COPG2: variants seen among roughly 807,000 people sequenced by gnomAD.
COPG2 encodes coat protein complex I subunit gamma 2.
COPG2 carries 37 observed loss-of-function variants against 46.3 expected under a neutral mutation model. The observed-to-expected ratio is 0.80, with a 90% CI of 0.61 to 1.05. The LOEUF (loss-of-function observed/expected upper bound fraction) is 1.05, where lower values mean the gene tolerates loss of function less well. Among genes scored for constraint, COPG2 ranks in the 50% least tolerant of loss-of-function variants. The pLI, the probability that COPG2 is intolerant of heterozygous loss-of-function variation, is 0.00. For synonymous variants in COPG2, 159 were observed against 129.7 expected (o/e 1.23, Z -1.53); for missense variants, 427 against 387.8 (o/e 1.10, Z -0.85).
chr7:130,538,540 T>G (rs1422619381), intron 20 of COPG2, among the ~76,000 whole-genome samples: 4 of 152,168 alleles, frequency 2.6e-5, no homozygotes, highest in African/African-American at 9.6e-5. Context: ...ATCCCAGGCT[T>G]TTCAGAAGTG....
chr7:130,527,567 A>G (rs1799786031), intron 20 of COPG2, among the ~76,000 whole-genome samples: 1 of 152,024 alleles, frequency 6.6e-6, no homozygotes. Context: ...GTAAGGGGAA[A>G]AAAAAGCAAT....
At chr7:130,519,269 T>C in intron 20 of COPG2, among the ~76,000 whole-genome samples, 1 of 152,046 alleles carries the variant, frequency 6.6e-6, no homozygotes, top group East Asian at 1.9e-4. Flanking sequence ...AAATAAGAAC[T>C]GGAGTATTTG....
At chr7:130,562,583 A>G (rs1468187694) in intron 11 of COPG2, among the ~76,000 whole-genome samples, 1 of 152,144 alleles carries the variant, frequency 6.6e-6, no homozygotes, top group African/African-American at 2.4e-5. Flanking sequence ...TATACTGTCT[A>G]ATAACATAGC....
chr7:130,620,798 A>C (rs1554453527), intron 5 of COPG2, among the ~76,000 whole-genome samples: 3 of 152,198 alleles, frequency 2.0e-5, no homozygotes, highest in Non-Finnish European at 1.5e-5. Context: ...CAATGGGTTT[A>C]GATTTTGGAA....
At chr7:130,547,998 G>A (rs1793472831) in intron 19 of COPG2, among the ~76,000 whole-genome samples, 153 bp from the exon 20 acceptor site, 1 of 152,190 alleles carries the variant, frequency 6.6e-6, no homozygotes, top group Non-Finnish European at 1.5e-5. Flanking sequence ...AACAGGGAGA[G>A]CCTTATTCTT....
chr7:130,600,802 TA>T (rs1554450249), intron 9 of COPG2, among the ~76,000 whole-genome samples: 1 of 152,238 alleles, frequency 6.6e-6, no homozygotes, highest in East Asian at 1.9e-4. Flanking sequence ...TTCATTATGA[TA>T]AATGTTATAT....
chr7:130,559,083 G>A (rs1292421359), intron 12 of COPG2, among the ~76,000 whole-genome samples: 1 of 152,108 alleles, frequency 6.6e-6, no homozygotes, highest in Non-Finnish European at 1.5e-5. Context: ...ACTTTTGCAT[G>A]TCCAAAGACA....
intron 20 of COPG2, among the ~76,000 whole-genome samples, chr7:130,513,307 AAATATATATATAT>A (rs1266735462): frequency 6.3e-5 from 3 of 47,714 alleles, no homozygotes. Context: ...AAAAAAAAAA[AAATATATATATAT>A]ATATATATAT....
In COPG2 at chr7:130,638,487, C is replaced by T. The variant is rs183839057; in HGVS notation, c.323+14382G>A. Among the ~76,000 whole-genome samples, 492 of 152,264 alleles carry T rather than the reference C, an allele frequency of 3.2e-3. 3 individuals carry two copies. The highest frequency in any genetic ancestry group is 0.011 in the African/African-American group (466 of 41,540). On this transcript the variant is annotated intron_variant, in intron 5 of 23. Coordinates refer to ENST00000425248, the MANE Select transcript of COPG2 (RefSeq NM_012133.6). ...GGCTTTGCCGAGCTGCAGTGGGTTCCGCCCAGTTCAAACTTCTGGGCACCT... is the reference window on the plus strand; with the variant it reads ...GGCTTTGCCGAGCTGCAGTGGGTTCTGCCCAGTTCAAACTTCTGGGCACCT...
At chr7:130,667,006 G>T in intron 2 of COPG2, 77 bp from the exon 3 acceptor site, 2 of 727,340 alleles carry the variant, frequency 2.7e-6, no homozygotes, top group Non-Finnish European at 4.5e-6. Flanking sequence ...CTTTAATACA[G>T]ACTATTTTTA....
intron 5 of COPG2, among the ~76,000 whole-genome samples, chr7:130,638,521 A>T (rs1012797101): frequency 4.9e-4 from 75 of 152,030 alleles, no homozygotes; most frequent in Non-Finnish European, 7.5e-4. Context: ...CTTTGTTTAT[A>T]CTGTGAGCGG....
chr7:130,538,378 T>C, intron 20 of COPG2, among the ~76,000 whole-genome samples: 1 of 151,712 alleles, frequency 6.6e-6, no homozygotes, highest in Non-Finnish European at 1.5e-5. Context: ...CATCATGAAG[T>C]TGTGGGGAGC....
At chr7:130,630,515 TTG>T (rs1287281541) in intron 5 of COPG2, among the ~76,000 whole-genome samples, 1 of 152,234 alleles carries the variant, frequency 6.6e-6, no homozygotes, top group Non-Finnish European at 1.5e-5. Flanking sequence ...CTTGTTCAAA[TTG>T]TTTTTCCTTA....
intron 9 of COPG2, chr7:130,607,629 T>C (rs1426514100): frequency 9.8e-6 from 5 of 508,706 alleles, no homozygotes; most frequent in Non-Finnish European, 2.0e-5. Flanking sequence ...CCTGTATATA[T>C]GTAGTTCAGT....
chr7:130,653,043 G>A, intron 4 of COPG2, 95 bp from the exon 5 acceptor site: 19 of 732,012 alleles, frequency 2.6e-5, no homozygotes, highest in South Asian at 3.9e-5. Flanking sequence ...ATATATTTTA[G>A]AAAGATATTC....
intron 9 of COPG2, among the ~76,000 whole-genome samples, chr7:130,572,974 A>G (rs139291253): frequency 1.3e-5 from 2 of 152,168 alleles, no homozygotes; most frequent in East Asian, 3.9e-4. Flanking sequence ...CTAACCAAGA[A>G]AAAAAGAGGA....
At chr7:130,533,988 G>GT (rs1236840075) in intron 20 of COPG2, among the ~76,000 whole-genome samples, 1 of 150,080 alleles carries the variant, frequency 6.7e-6, no homozygotes, top group South Asian at 2.2e-4. Context: ...GGGTGGGGTG[G>GT]GGGGGGTGGA....
chr7:130,534,075 G>A (rs990134901), intron 20 of COPG2, among the ~76,000 whole-genome samples: 1 of 152,038 alleles, frequency 6.6e-6, no homozygotes, highest in East Asian at 1.9e-4. Flanking sequence ...ATGGGGGTGC[G>A]CCAGACCTCA....
chr7:130,595,556 A>C (rs529399395), intron 9 of COPG2, among the ~76,000 whole-genome samples: 2 of 152,368 alleles, frequency 1.3e-5, no homozygotes, highest in South Asian at 2.1e-4. Flanking sequence ...AGGAAATATA[A>C]AATAGAATTT....
Sources: allele counts gnomAD v4.1 joint callset (sites outside exome capture counted in the v4.1 genomes callset), GRCh38; gene constraint gnomAD v4.1.1; transcripts MANE v1.5; gene names NCBI Gene and HGNC (gene_info 2026-07-23, HGNC 2026-07-21).